Variants in SRGAP1 observed in about 807,000 individuals in gnomAD.
SRGAP1 encodes the protein SLIT-ROBO Rho GTPase-activating protein 1.
Under a neutral mutation model 121.9 loss-of-function variants are expected in SRGAP1, and 43 were observed. The observed-to-expected ratio is 0.35, with a 90% confidence interval of 0.28 to 0.46. The LOEUF (loss-of-function observed/expected upper bound fraction) is 0.46. Ranked by LOEUF, SRGAP1 falls within the 20% of genes least tolerant of loss-of-function variation. The pLI is 1.00. For synonymous variants in SRGAP1, 447 were observed against 485.4 expected (o/e 0.92, Z 1.04); for missense variants, 1,102 against 1,350.9 (o/e 0.82, Z 2.89).
At chr12:64,043,598 T>C in intron 6 of SRGAP1, 23 bp downstream of exon 6, 1 of 1,549,124 alleles carries the variant, frequency 6.5e-7, no homozygotes, top group Non-Finnish European at 8.8e-7. Context: ...AGTTTTTGTC[T>C]TTTCCATATT....
At chr12:63,867,187 G>A (rs776791520) in intron 1 of SRGAP1, among the ~76,000 whole-genome samples, 1 of 152,296 alleles carries the variant, frequency 6.6e-6, no homozygotes, top group Non-Finnish European at 1.5e-5. Context: ...ATCTTGCTAC[G>A]AAACTAAACA....
intron 6 of SRGAP1, among the ~76,000 whole-genome samples, chr12:64,051,079 T>C (rs904268271): frequency 1.3e-5 from 2 of 152,172 alleles, no homozygotes; most frequent in African/African-American, 2.4e-5. Context: ...TCAGAATGCC[T>C]CAGCTTCTGG....
rs570931693 is a variant in SRGAP1, at chr12:64,083,341, C to T, written c.1408+2971C>T. On this transcript the variant is annotated intron_variant, in intron 10 of 21. Coordinates refer to ENST00000355086, the MANE Select transcript of SRGAP1 (RefSeq NM_020762.4). ...ATAGTAAAACAAATAGAGCCTAACC[C>T]GAAGATTTAGCAGTTGCTCGTACAC... Among the ~76,000 whole-genome samples, 4 of 152,264 alleles carry T rather than the reference C, an allele frequency of 2.6e-5. No homozygotes were observed. In the East Asian group the frequency reaches 5.8e-4, roughly 22 times the overall value.
At chr12:64,072,106 CTCTGTGTGTGTG>C (rs2035648218) in intron 8 of SRGAP1, among the ~76,000 whole-genome samples, 1 of 37,770 alleles carries the variant, frequency 2.6e-5, no homozygotes, top group African/African-American at 6.8e-5. Flanking sequence ...CCCAATCTCT[CTCTGTGTGTGTG>C]TGTGTGTGTG....
intron 8 of SRGAP1, among the ~76,000 whole-genome samples, chr12:64,073,892 C>T (rs2035688049): frequency 6.6e-6 from 1 of 150,788 alleles, no homozygotes. Context: ...TGTTTGTTTG[C>T]TTTAGAAGCT....
intron 1 of SRGAP1, among the ~76,000 whole-genome samples, chr12:63,910,995 T>TCC (rs1592938363): frequency 6.6e-6 from 1 of 151,990 alleles, no homozygotes; most frequent in East Asian, 1.9e-4. Flanking sequence ...ATCCAAAGTA[T>TCC]ATATAAAAAA....
At chr12:63,875,454 CA>C (rs1899999926) in intron 1 of SRGAP1, among the ~76,000 whole-genome samples, 1 of 152,116 alleles carries the variant, frequency 6.6e-6, no homozygotes, top group Non-Finnish European at 1.5e-5. Context: ...TGTATGTAAA[CA>C]AAATTGCACA....
At position 64,056,168 on chromosome 12, in the gene SRGAP1, A is replaced by G. The variant is rs77224174; in HGVS notation, c.802-6749A>G. Among the ~76,000 whole-genome samples the G allele has an allele frequency of 3.1e-3, 472 of 152,220 alleles. 2 individuals are homozygous for G. The highest frequency in any genetic ancestry group is 0.011 in the African/African-American group (451 of 41,526). On this transcript the variant is annotated intron_variant, in intron 6 of 21. Coordinates refer to ENST00000355086, the MANE Select transcript of SRGAP1 (RefSeq NM_020762.4). ...TATAAATTCATCAGCAAATCCTGTC[A>G]TCTTTACCTCCTAAATGTCCCAAAC... is the stretch of plus-strand genomic sequence containing the variant.
Position 64,147,683 on chromosome 12 carries a change from G to A in SRGAP1, c.*5011G>A, listed in dbSNP as rs2037075271. On this transcript the variant is annotated 3_prime_UTR_variant, in exon 22 of 22. Transcript: ENST00000355086. ...ATAAAGGGGGATGCTTTTACAGTCTGGAAAGAAAAAAAATGTTTTGTTAAT... is the reference window on the plus strand; with the variant it reads ...ATAAAGGGGGATGCTTTTACAGTCTAGAAAGAAAAAAAATGTTTTGTTAAT... The A allele has an allele frequency of 2.5e-6, 1 of 398,358 alleles. No individual in the cohort carries two copies. Among genetic ancestry groups the A allele is most frequent in the Non-Finnish European group, 4.4e-6 (1 of 226,012 alleles). 24.7% of individuals were successfully genotyped at this position (398,358 alleles called of 1,614,324 possible). A position where few individuals can be genotyped will look rare whatever the true frequency, so the allele number is the denominator to read the frequency against.
intron 11 of SRGAP1, among the ~76,000 whole-genome samples, chr12:64,089,494 G>T (rs2036008661): frequency 6.6e-6 from 1 of 152,194 alleles, no homozygotes; most frequent in African/African-American, 2.4e-5. Flanking sequence ...CCCCGTACCT[G>T]AATAAAAATG....
At chr12:64,095,412 G>A (rs1023562993) in intron 14 of SRGAP1, among the ~76,000 whole-genome samples, 5 of 152,158 alleles carry the variant, frequency 3.3e-5, no homozygotes, top group African/African-American at 7.2e-5. Context: ...AAGCATATGA[G>A]CTCTGCATCC....
At chr12:63,940,109 C>T (rs933657801) in intron 1 of SRGAP1, among the ~76,000 whole-genome samples, 2 of 151,910 alleles carry the variant, frequency 1.3e-5, no homozygotes, top group Non-Finnish European at 2.9e-5. Context: ...TTACAGGCAC[C>T]TCCCACCATG....
intron 8 of SRGAP1, among the ~76,000 whole-genome samples, chr12:64,074,274 C>T (rs1353159050): frequency 1.3e-5 from 2 of 152,128 alleles, no homozygotes; most frequent in Non-Finnish European, 2.9e-5. Flanking sequence ...TGTCTCTTTC[C>T]CTTTTATTGT....
intron 21 of SRGAP1, among the ~76,000 whole-genome samples, chr12:64,129,384 T>C (rs2036748636): frequency 6.6e-6 from 1 of 152,170 alleles, no homozygotes; most frequent in Non-Finnish European, 1.5e-5. Flanking sequence ...TTTTTCTGCC[T>C]GCTTTATGTT....
intron 15 of SRGAP1, among the ~76,000 whole-genome samples, chr12:64,100,940 T>C (rs2036243818): frequency 6.6e-6 from 1 of 152,166 alleles, no homozygotes; most frequent in African/African-American, 2.4e-5. Flanking sequence ...TTGAACCAAG[T>C]TGATTAATAG....
chr12:64,143,325 A>G lies in SRGAP1; in HGVS notation c.*653A>G, dbSNP rs908141887. On this transcript the variant is annotated 3_prime_UTR_variant, in exon 22 of 22. Coordinates refer to ENST00000355086, the MANE Select transcript of SRGAP1 (RefSeq NM_020762.4). ...TAGAACCTCTGCTGTTACTGCTTGA[A>G]CTTAACCTGGGAAAGGAGAGGAAGA... The G allele has an allele frequency of 2.0e-5, 3 of 152,204 alleles. No individual in the cohort carries two copies. The highest frequency in any genetic ancestry group is 6.5e-5 in the Admixed American group (1 of 15,280). 9.4% of individuals were successfully genotyped at this position (152,204 alleles called of 1,614,324 possible).
chr12:64,039,271 C>T (rs2034959809), intron 4 of SRGAP1, among the ~76,000 whole-genome samples: 2 of 152,198 alleles, frequency 1.3e-5, no homozygotes, highest in Admixed American at 1.3e-4. Context: ...AGAGAATACT[C>T]AGCTATTGTG....
At chr12:64,069,268 A>C (rs564231604) in intron 8 of SRGAP1, among the ~76,000 whole-genome samples, 56 of 152,300 alleles carry the variant, frequency 3.7e-4, no homozygotes, top group Middle Eastern at 6.8e-3. Flanking sequence ...CAAAGAGAAG[A>C]GAGCAGTACA....
At chr12:63,932,048 C>T (rs61933133) in intron 1 of SRGAP1, among the ~76,000 whole-genome samples, 4,631 of 152,196 alleles carry the variant, frequency 0.03, 112 homozygotes, top group Middle Eastern at 0.068. Context: ...AGCACTGAGA[C>T]AGGGACTAGC....
Sources: gnomAD v4.1 joint callset for allele counts (sites outside exome capture counted in the v4.1 genomes callset) on GRCh38, gnomAD v4.1.1 for gene constraint, MANE v1.5 for transcripts, NCBI Gene and HGNC (gene_info 2026-07-23, HGNC 2026-07-21) for gene names.